ADGRG7: variants seen among roughly 807,000 people sequenced by gnomAD.
ADGRG7 encodes G-protein coupled receptor 128.
In ADGRG7, 82 loss-of-function variants were observed where a neutral mutation model predicts 88.6. That is an observed-to-expected ratio of 0.93 (90% CI 0.77 to 1.11). ADGRG7 has a LOEUF of 1.11. ADGRG7 is among the 50% of genes most tolerant of loss of function. ADGRG7 has a pLI of 0.00. For synonymous variants in ADGRG7, 381 were observed against 345.2 expected, an observed-to-expected ratio of 1.10 and a Z score of -1.15; for missense variants, 945 against 953.4, an observed-to-expected ratio of 0.99 and a Z score of 0.12.
At chr3:100,633,207 A>G (rs973877778) in intron 3 of ADGRG7, 58 bp from the exon 4 acceptor site, 4 of 801,380 alleles carry the variant, frequency 5.0e-6, no homozygotes, top group South Asian at 4.7e-5. Flanking sequence ...GCCTAAAAAT[A>G]ATAGGCAATA....
intron 15 of ADGRG7, among the ~76,000 whole-genome samples, chr3:100,685,135 A>G (rs1458177969): frequency 6.6e-6 from 1 of 152,134 alleles, no homozygotes; most frequent in Non-Finnish European, 1.5e-5. Context: ...ACTCTCATCA[A>G]TGGTAGTAAT....
intron 1 of ADGRG7, among the ~76,000 whole-genome samples, chr3:100,615,118 C>T (rs1205832810): frequency 6.6e-6 from 1 of 152,164 alleles, no homozygotes; most frequent in South Asian, 2.1e-4. Flanking sequence ...AGCACTTGAT[C>T]AGTTACAAGG....
chr3:100,615,038 C>T (rs192457094), intron 1 of ADGRG7, among the ~76,000 whole-genome samples: 381 of 152,190 alleles, frequency 2.5e-3, no homozygotes, highest in Non-Finnish European at 4.1e-3. Context: ...TATGGAGCCT[C>T]AAATAAAAGG....
At chr3:100,667,324 C>T (rs1320215538) in intron 14 of ADGRG7, among the ~76,000 whole-genome samples, 5 of 152,126 alleles carry the variant, frequency 3.3e-5, no homozygotes, top group Non-Finnish European at 5.9e-5. Context: ...TGTTATCCCT[C>T]CCCTAGCCCC....
Position 100,635,954 on chromosome 3 carries a change from T to C in ADGRG7, c.597+128T>C, listed in dbSNP as rs188782193. The C allele has an allele frequency of 1.3e-5, 9 of 680,090 alleles. No individual in the cohort carries two copies. In the Admixed American group the frequency reaches 2.1e-4, roughly 16 times the overall value. 42.1% of individuals were successfully genotyped at this position (680,090 alleles called of 1,614,324 possible). Reference sequence around the variant, plus strand: ...TGGTTTGAGCATGGTTTAAGTTGCTTAAAGGCATTTTGCATAGCACTCCTG... The same window carrying C: ...TGGTTTGAGCATGGTTTAAGTTGCTCAAAGGCATTTTGCATAGCACTCCTG... On this transcript the variant is annotated intron_variant, in intron 5 of 15. Coordinates refer to ENST00000273352, the MANE Select transcript of ADGRG7 (RefSeq NM_032787.3).
intron 8 of ADGRG7, 150 bp from the exon 9 acceptor site, chr3:100,645,795 G>A: frequency 3.0e-6 from 2 of 665,802 alleles, no homozygotes; most frequent in Non-Finnish European, 5.0e-6. Context: ...CTTACATATT[G>A]CAATTAAGTA....
At chr3:100,634,464 A>T (rs150360959) in intron 4 of ADGRG7, among the ~76,000 whole-genome samples, 3 of 152,234 alleles carry the variant, frequency 2.0e-5, no homozygotes, top group African/African-American at 4.8e-5. Context: ...ATTAATGTAC[A>T]CATTTTATAG....
intron 15 of ADGRG7, among the ~76,000 whole-genome samples, chr3:100,683,940 C>G (rs964025186): frequency 1.8e-4 from 27 of 152,116 alleles, no homozygotes; most frequent in Non-Finnish European, 1.2e-4. Flanking sequence ...ACTGTTATAG[C>G]AATTTGTCTT....
Position 100,636,994 on chromosome 3 carries a change from C to A in ADGRG7, c.598-308C>A, listed in dbSNP as rs187810367. 5.7e-4 allele frequency among the ~76,000 whole-genome samples: 87 copies of A among 152,224 alleles called. No homozygotes were observed. In the Middle Eastern group the frequency reaches 0.017, roughly 30 times the overall value. ...TCTTATTTTGTTTCTGCTTTTGAAT[C>A]CAAGCATTTGATTTTGTGTCCTTGG... On this transcript the variant is annotated intron_variant, in intron 5 of 15. Transcript: ENST00000273352.
chr3:100,682,569 C>T (rs111431833), intron 15 of ADGRG7, among the ~76,000 whole-genome samples: 53 of 152,330 alleles, frequency 3.5e-4, no homozygotes, highest in Non-Finnish European at 6.2e-4. Flanking sequence ...GCCCAGGGCC[C>T]ACGATCTGCT....
intron 1 of ADGRG7, among the ~76,000 whole-genome samples, chr3:100,616,911 C>T (rs1707234282): frequency 6.6e-6 from 1 of 151,922 alleles, no homozygotes; most frequent in South Asian, 2.1e-4. Flanking sequence ...AACTGTAATT[C>T]AACACAGTAA....
chr3:100,632,678 C>A (rs116606932), intron 3 of ADGRG7, among the ~76,000 whole-genome samples: 276 of 152,212 alleles, frequency 1.8e-3, no homozygotes, highest in Non-Finnish European at 3.0e-3. Context: ...AAGGAGCTGC[C>A]CAAAGCTGGT....
At chr3:100,654,632 C>T in intron 11 of ADGRG7, 4 of 496,702 alleles carry the variant, frequency 8.1e-6, no homozygotes, top group Non-Finnish European at 1.4e-5. Flanking sequence ...TCCTTTAACT[C>T]ATGACTTTGT....
At chr3:100,679,069 T>G (rs962860748) in intron 15 of ADGRG7, among the ~76,000 whole-genome samples, 2 of 152,152 alleles carry the variant, frequency 1.3e-5, no homozygotes, top group African/African-American at 4.8e-5. Flanking sequence ...TGTCCCCAGG[T>G]CGGTCCAGAG....
intron 15 of ADGRG7, among the ~76,000 whole-genome samples, chr3:100,673,029 T>G (rs1436827306): frequency 6.6e-6 from 1 of 152,062 alleles, no homozygotes. Context: ...TTTGTGTGTG[T>G]GTGTGTCTCT....
chr3:100,616,524 AT>A (rs1187141292), intron 1 of ADGRG7, among the ~76,000 whole-genome samples: 3 of 152,246 alleles, frequency 2.0e-5, no homozygotes, highest in Non-Finnish European at 4.4e-5. Flanking sequence ...GTTAGAAATC[AT>A]TAAGGTGCTG....
At chr3:100,664,925 A>T in intron 14 of ADGRG7, 1 of 329,884 alleles carries the variant, frequency 3.0e-6, no homozygotes, top group Non-Finnish European at 6.1e-6. Flanking sequence ...CAAATGAAGA[A>T]TTTTTCTTTA....
intron 1 of ADGRG7, among the ~76,000 whole-genome samples, chr3:100,622,936 T>C (rs547486034): frequency 6.6e-6 from 1 of 151,234 alleles, no homozygotes; most frequent in South Asian, 2.1e-4. Flanking sequence ...TTGTTTTTTT[T>C]TTTTGGTAGA....
At chr3:100,640,420 A>G (rs977055882) in intron 6 of ADGRG7, among the ~76,000 whole-genome samples, 3 of 151,832 alleles carry the variant, frequency 2.0e-5, no homozygotes, top group African/African-American at 7.3e-5. Flanking sequence ...GAGAAGAAAG[A>G]CTCTTTGACT....
Sources: allele counts gnomAD v4.1 joint callset (sites outside exome capture counted in the v4.1 genomes callset), GRCh38; gene constraint gnomAD v4.1.1; transcripts MANE v1.5; gene names NCBI Gene and HGNC (gene_info 2026-07-23, HGNC 2026-07-21).